The following LRMDA variants were observed in gnomAD, a reference collection of about 807,000 sequenced individuals.
LRMDA encodes leucine-rich melanocyte differentiation-associated protein.
Under a neutral mutation model 29.8 loss-of-function variants are expected in LRMDA, and 18 were observed. The ratio of observed to expected loss-of-function variants is 0.60; its 90% CI spans 0.42 to 0.90. The LOEUF (loss-of-function observed/expected upper bound fraction) is 0.90. Ranked by LOEUF, LRMDA falls within the 40% of genes least tolerant of loss-of-function variation. The probability of loss-of-function intolerance (pLI) is 0.00; values close to 1 mark genes in which losing one functional copy is unlikely to be tolerated. For synonymous variants in LRMDA, 125 were observed against 109.4 expected, an observed-to-expected ratio of 1.14 and a Z score of -0.89; for missense variants, 273 against 273.9, an observed-to-expected ratio of 1.00 and a Z score of 0.02.
chr10:76,147,456 C>T (rs1401057328), intron 5 of LRMDA, among the ~76,000 whole-genome samples: 1 of 152,152 alleles, frequency 6.6e-6, no homozygotes, highest in African/African-American at 2.4e-5. Flanking sequence ...CACTGATACC[C>T]TTTCTTCCAG....
chr10:75,677,170 T>C (rs1841970007), intron 2 of LRMDA, among the ~76,000 whole-genome samples: 1 of 152,220 alleles, frequency 6.6e-6, no homozygotes, highest in Admixed American at 6.5e-5. Flanking sequence ...TGGAGTTTGA[T>C]TTGTTGCAGA....
At chr10:75,502,837 A>C (rs1213550248) in intron 2 of LRMDA, among the ~76,000 whole-genome samples, 1 of 152,126 alleles carries the variant, frequency 6.6e-6, no homozygotes, top group Non-Finnish European at 1.5e-5. Flanking sequence ...TTGCAGGCAC[A>C]CTTCTCCTCC....
chr10:76,059,294 GCCCC>G (rs975541304), intron 5 of LRMDA, among the ~76,000 whole-genome samples: 1 of 152,170 alleles, frequency 6.6e-6, no homozygotes, highest in Non-Finnish European at 1.5e-5. Context: ...GCTGGCATGT[GCCCC>G]CCACATGTAT....
intron 6 of LRMDA, among the ~76,000 whole-genome samples, chr10:76,448,191 C>A (rs1264895741): frequency 6.6e-6 from 1 of 152,172 alleles, no homozygotes; most frequent in East Asian, 1.9e-4. Flanking sequence ...TTTTGCTTTT[C>A]ACTGAATAGA....
rs191129696 is a variant in LRMDA, at chr10:75,819,128, T to G, written c.132-216880T>G. On this transcript the variant is annotated intron_variant, in intron 2 of 6. Coordinates refer to ENST00000611255, the MANE Select transcript of LRMDA (RefSeq NM_001305581.2). ...ATGTCTTGATGGCTTTTTATTACAA[T>G]AAAAATTGTAGTGAGAGCTCTTTCA... 2.6e-4 allele frequency among the ~76,000 whole-genome samples: 39 copies of G among 152,328 alleles called. No homozygotes were observed. The East Asian group carries it at 3.1e-3, about 12-fold the overall frequency.
At chr10:75,807,389 G>T (rs1028446351) in intron 2 of LRMDA, among the ~76,000 whole-genome samples, 1 of 152,208 alleles carries the variant, frequency 6.6e-6, no homozygotes, top group Non-Finnish European at 1.5e-5. Flanking sequence ...GGGCAGGATG[G>T]CTCACATCGC....
chr10:76,258,546 T>C (rs1229493686), intron 5 of LRMDA, among the ~76,000 whole-genome samples: 1 of 152,176 alleles, frequency 6.6e-6, no homozygotes, highest in Non-Finnish European at 1.5e-5. Context: ...TTTTTTAACA[T>C]GAGAAATTAT....
intron 6 of LRMDA, among the ~76,000 whole-genome samples, chr10:76,388,650 G>A (rs1841688535): frequency 2.0e-5 from 3 of 152,180 alleles, no homozygotes; most frequent in Admixed American, 2.0e-4. Context: ...GAAGTCACAC[G>A]TACACACTGA....
chr10:76,379,339 G>C (rs2132469039), intron 6 of LRMDA, among the ~76,000 whole-genome samples: 2 of 152,220 alleles, frequency 1.3e-5, no homozygotes, highest in Admixed American at 1.3e-4. Flanking sequence ...ATTCTGCTGT[G>C]AATCTGTCTG....
At chr10:75,993,817 CTG>C (rs1645944187) in intron 2 of LRMDA, among the ~76,000 whole-genome samples, 1 of 152,080 alleles carries the variant, frequency 6.6e-6, no homozygotes, top group African/African-American at 2.4e-5. Context: ...AGAATAGAGT[CTG>C]TGCTTGGTGA....
chr10:75,962,268 C>T (rs138644803), intron 2 of LRMDA, among the ~76,000 whole-genome samples: 3 of 152,170 alleles, frequency 2.0e-5, no homozygotes, highest in Non-Finnish European at 2.9e-5. Flanking sequence ...TTTCTCTGGG[C>T]CTGGCTTTCT....
At chr10:75,675,473 A>T (rs577194379) in intron 2 of LRMDA, among the ~76,000 whole-genome samples, 1 of 152,366 alleles carries the variant, frequency 6.6e-6, no homozygotes, top group African/African-American at 2.4e-5. Flanking sequence ...TTAAACTATG[A>T]AAAGCAGTCC....
In LRMDA at chr10:76,238,079, C is replaced by T. The variant is rs572898802; in HGVS notation, c.517-86322C>T. 6.9e-4 allele frequency among the ~76,000 whole-genome samples: 105 copies of T among 152,226 alleles called. 2 individuals are homozygous for T. The highest frequency in any genetic ancestry group is 3.4e-3 in the Middle Eastern group (1 of 294). On this transcript the variant is annotated intron_variant, in intron 5 of 6. Transcript: ENST00000611255. The stretch of plus-strand genomic sequence containing the variant: ...CTGCTGGGATTATAGGCATGAGCCA[C>T]GGCACCTGGCTAAGAGTGCATATTC...
At chr10:75,806,333 T>C (rs1476766506) in intron 2 of LRMDA, among the ~76,000 whole-genome samples, 1 of 152,178 alleles carries the variant, frequency 6.6e-6, no homozygotes, top group African/African-American at 2.4e-5. Flanking sequence ...AACCATGGAA[T>C]GCGTCAGCAT....
intron 5 of LRMDA, among the ~76,000 whole-genome samples, chr10:76,075,500 A>G (rs534169383): frequency 1.2e-4 from 18 of 152,360 alleles, no homozygotes; most frequent in African/African-American, 3.6e-4. Flanking sequence ...CACCCAATCA[A>G]TGATATTTTG....
At chr10:76,501,466 C>T (rs921390647) in intron 6 of LRMDA, among the ~76,000 whole-genome samples, 33 of 151,914 alleles carry the variant, frequency 2.2e-4, no homozygotes, top group African/African-American at 7.2e-4. Flanking sequence ...TCCACAGTGG[C>T]TGGACTAATT....
At chr10:75,463,415 G>C (rs1844611710) in intron 2 of LRMDA, among the ~76,000 whole-genome samples, 1 of 152,088 alleles carries the variant, frequency 6.6e-6, no homozygotes, top group Admixed American at 6.5e-5. Context: ...TGTCTGAGAG[G>C]CTCCTGTAGA....
chr10:76,214,040 C>A (rs1851681930), intron 5 of LRMDA, among the ~76,000 whole-genome samples: 1 of 152,040 alleles, frequency 6.6e-6, no homozygotes, highest in South Asian at 2.1e-4. Flanking sequence ...ACATCATGGC[C>A]CATGGAGGTG....
intron 5 of LRMDA, among the ~76,000 whole-genome samples, chr10:76,107,546 A>G (rs146643117): frequency 6.1e-4 from 93 of 152,278 alleles, no homozygotes; most frequent in African/African-American, 2.0e-3. Flanking sequence ...TGTGCAGCCC[A>G]TCTGTGCTAG....
Sources: gnomAD v4.1 joint callset for allele counts (sites outside exome capture counted in the v4.1 genomes callset) on GRCh38, gnomAD v4.1.1 for gene constraint, MANE v1.5 for transcripts, NCBI Gene and HGNC (gene_info 2026-07-23, HGNC 2026-07-21) for gene names.